The following TM2D1 variants were observed in gnomAD, a reference collection of about 807,000 sequenced individuals.
TM2D1 encodes TM2 domain containing 1.
A neutral mutation model predicts 28.4 loss-of-function variants in TM2D1; 15 were observed. The ratio of observed to expected loss-of-function variants is 0.53; its 90% CI spans 0.35 to 0.81. The LOEUF (loss-of-function observed/expected upper bound fraction) is 0.81, where lower values mean the gene tolerates loss of function less well. Among genes scored for constraint, TM2D1 ranks in the 40% least tolerant of loss-of-function variants. The pLI is 0.01. For synonymous variants in TM2D1, 93 were observed against 96.2 expected (o/e 0.97, Z 0.20); for missense variants, 236 against 254.9 (o/e 0.93, Z 0.50).
intron 5 of TM2D1, among the ~76,000 whole-genome samples, chr1:61,684,768 TCTTTC>T (rs1218486161): frequency 3.9e-5 from 6 of 152,154 alleles, no homozygotes; most frequent in Admixed American, 3.3e-4. Flanking sequence ...AAGTTTTCTC[TCTTTC>T]ATTTGTTTGT....
chr1:61,717,206 A>C (rs141073026), intron 2 of TM2D1, among the ~76,000 whole-genome samples: 3,948 of 145,316 alleles, frequency 0.027, 311 homozygotes, highest in Admixed American at 0.17. Flanking sequence ...ACAAAACAAA[A>C]AAAAAAAAAC....
At chr1:61,713,884 C>CTT (rs372226143) in intron 2 of TM2D1, among the ~76,000 whole-genome samples, 1,850 of 106,194 alleles carry the variant, frequency 0.017, 54 homozygotes, top group African/African-American at 0.049. Flanking sequence ...CCAAATATTT[C>CTT]TTTTTTTTTT....
chr1:61,684,557 G>A (rs74076132), intron 5 of TM2D1, among the ~76,000 whole-genome samples: 2,616 of 152,156 alleles, frequency 0.017, 69 homozygotes, highest in African/African-American at 0.06. Context: ...TTTACTCAAA[G>A]GTCCAAAAAT....
At position 61,720,883 on chromosome 1, in the gene TM2D1, TG is replaced by T. The variant is rs1644558461; in HGVS notation, c.238+2829del. ...TACTCACTAGCCCCAAACTCCCCTC[TG>T]TAAAACACTGCTCACGTTCATCCCT... On this transcript the variant is annotated intron_variant, in intron 2 of 6. Coordinates refer to ENST00000606498, the MANE Select transcript of TM2D1 (RefSeq NM_032027.3). Among the ~76,000 whole-genome samples, 6 of 152,206 alleles carry T rather than the reference TG, an allele frequency of 3.9e-5. No homozygotes were observed. In the South Asian group the frequency reaches 1.2e-3, roughly 32 times the overall value.
chr1:61,690,456 C>CAAAAAAAAAAAAAA (rs762550068), intron 5 of TM2D1, among the ~76,000 whole-genome samples: 1 of 60,048 alleles, frequency 1.7e-5, no homozygotes, highest in Non-Finnish European at 2.9e-5. Flanking sequence ...GACTCAGTCT[C>CAAAAAAAAAAAAAA]AAAAAAAAAA....
chr1:61,723,670 G>A (rs1644583912), intron 2 of TM2D1, 43 bp downstream of exon 2: 2 of 1,102,528 alleles, frequency 1.8e-6, no homozygotes, highest in Non-Finnish European at 2.6e-6. Context: ...ATGAAATAAT[G>A]TTTTTAAAAT....
At chr1:61,716,548 T>A (rs1166181507) in intron 2 of TM2D1, among the ~76,000 whole-genome samples, 3 of 144,432 alleles carry the variant, frequency 2.1e-5, no homozygotes, top group Non-Finnish European at 4.5e-5. Flanking sequence ...TAATTTTATA[T>A]ATGTATATAA....
chr1:61,707,531 A>C (rs1002509149), intron 3 of TM2D1, among the ~76,000 whole-genome samples: 6 of 152,230 alleles, frequency 3.9e-5, no homozygotes, highest in Non-Finnish European at 8.8e-5. Flanking sequence ...AATATCTATA[A>C]ATTTAGGTAT....
chr1:61,717,321 T>C (rs1291204053), intron 2 of TM2D1, among the ~76,000 whole-genome samples: 2 of 150,898 alleles, frequency 1.3e-5, no homozygotes, highest in African/African-American at 2.4e-5. Context: ...TGAGCCGAGA[T>C]AGTGCCACTG....
chr1:61,699,975 A>G (rs974383952), intron 4 of TM2D1: 10 of 613,166 alleles, frequency 1.6e-5, no homozygotes, highest in Admixed American at 4.5e-5. Flanking sequence ...GGGTAGCAAC[A>G]TGGAAGAAAT....
intron 4 of TM2D1, 69 bp downstream of exon 4, chr1:61,700,865 C>T: frequency 1.8e-6 from 2 of 1,098,298 alleles, no homozygotes; most frequent in Non-Finnish European, 2.7e-6. Context: ...AGATTTAATC[C>T]ATAAGAACAC....
At chr1:61,720,439 G>A (rs1365614842) in intron 2 of TM2D1, among the ~76,000 whole-genome samples, 3 of 151,774 alleles carry the variant, frequency 2.0e-5, no homozygotes, top group Non-Finnish European at 4.4e-5. Context: ...ACAGGGTTTC[G>A]CCATGTTTGC....
chr1:61,710,847 C>T (rs1410656036), intron 2 of TM2D1, among the ~76,000 whole-genome samples: 1 of 151,946 alleles, frequency 6.6e-6, no homozygotes, highest in African/African-American at 2.4e-5. Context: ...AAGAATAGTA[C>T]ACTGAGAAAA....
intron 4 of TM2D1, chr1:61,697,739 GCCC>G (rs1451088921): frequency 6.6e-6 from 1 of 151,880 alleles, no homozygotes. Context: ...GTCTCTCCTT[GCCC>G]CCGTCTTTCC....
At chr1:61,698,181 T>C (rs1307952428) in intron 4 of TM2D1, 2 of 152,222 alleles carry the variant, frequency 1.3e-5, no homozygotes, top group Non-Finnish European at 1.5e-5. Context: ...GATATTCATA[T>C]GACAAATATT....
intron 2 of TM2D1, among the ~76,000 whole-genome samples, chr1:61,716,441 T>TTATA (rs1322083161): frequency 6.9e-6 from 1 of 145,094 alleles, no homozygotes; most frequent in African/African-American, 2.5e-5. Flanking sequence ...AAGTGTATAA[T>TTATA]TATATATAAT....
At chr1:61,700,766 G>A (rs140695051) in intron 4 of TM2D1, among the ~76,000 whole-genome samples, 168 bp downstream of exon 4, 1 of 152,202 alleles carries the variant, frequency 6.6e-6, no homozygotes, top group Non-Finnish European at 1.5e-5. Flanking sequence ...TACCTAAGCT[G>A]AACTGTTGGG....
intron 2 of TM2D1, among the ~76,000 whole-genome samples, chr1:61,713,550 T>C (rs577043519): frequency 7.9e-5 from 12 of 151,970 alleles, no homozygotes; most frequent in South Asian, 2.1e-4. Flanking sequence ...AGGTTTTTTT[T>C]CTCAAAAAGC....
chr1:61,689,225 C>T (rs897907589), intron 5 of TM2D1, among the ~76,000 whole-genome samples: 1 of 152,116 alleles, frequency 6.6e-6, no homozygotes, highest in African/African-American at 2.4e-5. Context: ...AGACGTGATT[C>T]CATAGCCTTG....
Sources: gnomAD v4.1 joint callset for allele counts (sites outside exome capture counted in the v4.1 genomes callset) on GRCh38, gnomAD v4.1.1 for gene constraint, MANE v1.5 for transcripts, NCBI Gene and HGNC (gene_info 2026-07-23, HGNC 2026-07-21) for gene names.